Variants in KANSL3 observed in about 807,000 individuals in gnomAD.
The protein encoded by KANSL3 is NSL complex protein NSL3.
A neutral mutation model predicts 89.2 loss-of-function variants in KANSL3; 16 were observed. That is an observed-to-expected ratio of 0.18 (90% confidence interval 0.12 to 0.27). The LOEUF is 0.27. Ranked by LOEUF, KANSL3 falls within the 10% of genes least tolerant of loss-of-function variation. The pLI is 1.00. For synonymous variants in KANSL3, 385 were observed against 419.7 expected (o/e 0.92, Z 1.01); for missense variants, 879 against 1,110.6 (o/e 0.79, Z 2.96).
chr2:96,607,054 T>C (rs767208993), intron 14 of KANSL3: 2 of 1,286,346 alleles, frequency 1.6e-6, no homozygotes, highest in Non-Finnish European at 2.0e-6. Context: ...TGTGCTGGAA[T>C]GAATCAGAAA....
At position 96,608,937 on chromosome 2, in the gene KANSL3, A is replaced by G. The variant is rs756730945; in HGVS notation, c.1511T>C (p.Phe504Ser). 2 of 1,569,210 alleles carry G rather than the reference A, an allele frequency of 1.3e-6. No homozygotes were observed. The highest frequency in any genetic ancestry group is 8.6e-7 in the Non-Finnish European group (1 of 1,156,978). ...TCGACTGCCCCGCTCAGGGACTTCA[A>G]AGGCCAAGTCTCTGCGGGCCACATC... ...PRDVARRDLA[F>S]EVPERGSRPA... is the part of the protein sequence containing the mutation. Residue 504 changes from phenylalanine (F) to serine (S), a missense_variant, in exon 13 of 21, where the codon TTT becomes TCT. This residue lies in a region of KANSL3 where 317 missense variants were observed against 311.2 expected (regional missense o/e 1.02). Transcript: ENST00000431828.
In KANSL3 at chr2:96,619,330, G is replaced by A; in HGVS notation, c.663+29C>T. ...CACAGGGGAGGATGGCTATCCCTAG[G>A]ACAGGGCAGACCCCAATCACAGCCT... On this transcript the variant is annotated intron_variant, in intron 5 of 20. Coordinates refer to ENST00000431828, the MANE Select transcript of KANSL3 (RefSeq NM_001115016.3). 5 of 1,589,312 alleles carry A rather than the reference G, an allele frequency of 3.1e-6. No individual in the cohort carries two copies. The South Asian group carries it at 5.7e-5, about 18-fold the overall frequency.
At chr2:96,632,027 C>T (rs1455733684) in intron 2 of KANSL3, among the ~76,000 whole-genome samples, 1 of 152,064 alleles carries the variant, frequency 6.6e-6, no homozygotes, top group African/African-American at 2.4e-5. Flanking sequence ...GCCTGGGTGA[C>T]AGAGCAAGAC....
At chr2:96,593,003 G>GAAAAA, downstream of KANSL3, among the ~76,000 whole-genome samples, 1 of 140,810 alleles carries the variant, frequency 7.1e-6, no homozygotes, top group Middle Eastern at 3.6e-3. Flanking sequence ...ACTCCATCTC[G>GAAAAA]AAAAAAAAAA....
At chr2:96,638,234 C>A (rs2074547293) in intron 1 of KANSL3, 49 bp downstream of exon 1, 1 of 152,336 alleles carries the variant, frequency 6.6e-6, no homozygotes. Context: ...CAACCACGGC[C>A]GCGATCCCCA....
intron 20 of KANSL3, among the ~76,000 whole-genome samples, chr2:96,596,568 A>G (rs907870902): frequency 1.3e-5 from 2 of 152,238 alleles, no homozygotes; most frequent in Admixed American, 6.5e-5. Flanking sequence ...GCACTTTGGG[A>G]GGCTGAGGTG....
At chr2:96,637,372 A>G in intron 1 of KANSL3, 187 bp from the exon 2 acceptor site, 1 of 501,952 alleles carries the variant, frequency 2.0e-6, no homozygotes, top group Non-Finnish European at 3.5e-6. Context: ...AAAAAAAACT[A>G]TGGTGCCACG....
At chr2:96,624,590 C>T (rs1233233420) in intron 3 of KANSL3, among the ~76,000 whole-genome samples, 4 of 152,144 alleles carry the variant, frequency 2.6e-5, no homozygotes, top group Non-Finnish European at 5.9e-5. Context: ...GGCGTGATCT[C>T]GGCTCACTGT....
chr2:96,619,726 G>A lies in KANSL3; in HGVS notation c.423C>T (p.Asn141=). 6.4e-7 allele frequency: 1 copy of A among 1,561,024 alleles called. No individual in the cohort carries two copies. Among genetic ancestry groups the A allele is most frequent in the Non-Finnish European group, 8.7e-7 (1 of 1,152,194 alleles). Residue 141 remains asparagine (N), a synonymous_variant, in exon 4 of 21, where the codon AAC becomes AAT. Transcript: ENST00000431828. ...GWTMAQNKLF[N]KILKALQSDR... ...CAGACTGCAGGGCTTTGAGGATCTT[G>A]TTGAATAGCTTGTTCTGGGCCATTG...
Position 96,610,852 on chromosome 2 carries a change from G to A in KANSL3, c.1193C>T (p.Thr398Ile), listed in dbSNP as rs1326846073. Residue 398 changes from threonine (T) to isoleucine (I), a missense_variant, in exon 11 of 21, where the codon ACT becomes ATT. This residue lies in a region of KANSL3 where 198 missense variants were observed against 260.3 expected (regional missense o/e 0.76). Transcript: ENST00000431828. ...DVDDPLLDMK[T>I]PVLFVIGQNS... ...CTGACCAATGACAAAGAGGACTGGA[G>A]TCTTCATATCCAAGAGGGGATCATC... The A allele has an allele frequency of 6.2e-7, 1 of 1,613,970 alleles. No individual in the cohort carries two copies. The highest frequency in any genetic ancestry group is 2.2e-5 in the East Asian group (1 of 44,892).
chr2:96,611,909 G>GTGTGTGTGTGTGTA (rs2069062835), intron 9 of KANSL3, among the ~76,000 whole-genome samples: 2 of 147,748 alleles, frequency 1.4e-5, no homozygotes, highest in South Asian at 4.3e-4. Flanking sequence ...CCATATGTGT[G>GTGTGTGTGTGTGTA]TGTGTGTGTG....
In KANSL3 at chr2:96,608,459, G is replaced by C. The variant is rs772555765; in HGVS notation, c.1741+49C>G. The C allele has an allele frequency of 2.5e-6, 4 of 1,596,748 alleles. No homozygotes were observed. In the East Asian group the frequency reaches 8.9e-5, roughly 36 times the overall value. On this transcript the variant is annotated intron_variant, in intron 14 of 20. Transcript: ENST00000431828. ...ATACTGTGCAACTGCCATGTGACAT[G>C]AACTACAGAAGACAGACCCAAGAGG... is the stretch of plus-strand genomic sequence containing the variant.
the KANSL3 span, among the ~76,000 whole-genome samples, chr2:96,583,287 G>A: frequency 2.0e-5 from 3 of 152,144 alleles, no homozygotes; most frequent in Admixed American, 2.0e-4. Context: ...GAATGGTCTG[G>A]TAGGAGCTAC....
chr2:96,625,324 C>T (rs1461274280), intron 3 of KANSL3, among the ~76,000 whole-genome samples: 1 of 152,230 alleles, frequency 6.6e-6, no homozygotes, highest in East Asian at 1.9e-4. Context: ...AGCCTTACCT[C>T]TAGCAATCAT....
intron 2 of KANSL3, 144 bp from the exon 3 acceptor site, chr2:96,631,626 C>G: frequency 4.2e-6 from 4 of 952,722 alleles, no homozygotes; most frequent in Non-Finnish European, 6.5e-6. Context: ...AATTTTGATC[C>G]AAAGTCATCT....
chr2:96,628,208 C>G lies in KANSL3; in HGVS notation c.386+3104G>C. 3 of 1,258,462 alleles carry G rather than the reference C, an allele frequency of 2.4e-6. No homozygotes were observed. In the South Asian group the frequency reaches 4.0e-5, roughly 17 times the overall value. The allele number at this position is 1,258,462 out of a possible 1,614,324, so 78.0% of individuals were successfully genotyped here. ...CTAGAGGAAAGATGTGTACATCCAG[C>G]TATTCTGCTGTGCCTCCTGTGTAGA... On this transcript the variant is annotated intron_variant, in intron 3 of 20. Coordinates refer to ENST00000431828, the MANE Select transcript of KANSL3 (RefSeq NM_001115016.3).
chr2:96,588,367 A>C (rs745558683), downstream of KANSL3, among the ~76,000 whole-genome samples: 2 of 152,252 alleles, frequency 1.3e-5, no homozygotes, highest in Non-Finnish European at 2.9e-5. Context: ...TGGTCAACAC[A>C]GAATTTATCT....
At chr2:96,583,127 G>A in the KANSL3 span, among the ~76,000 whole-genome samples, 2 of 152,196 alleles carry the variant, frequency 1.3e-5, no homozygotes, top group Non-Finnish European at 2.9e-5. Context: ...ACTATGGTTT[G>A]CCCTCAGACT....
chr2:96,595,602 A>T lies in KANSL3; in HGVS notation c.*9T>A, dbSNP rs778649273. 8.1e-6 allele frequency: 13 copies of T among 1,613,742 alleles called. No homozygotes were observed. The highest frequency in any genetic ancestry group is 1.1e-5 in the Non-Finnish European group (13 of 1,179,766). ...CAACTTGGTAAGGAGGACATATCACACAGCATCTTCAGGGTGCTGGAGGCA... is the reference window on the plus strand; with the variant it reads ...CAACTTGGTAAGGAGGACATATCACTCAGCATCTTCAGGGTGCTGGAGGCA... On this transcript the variant is annotated 3_prime_UTR_variant, in exon 21 of 21. Transcript: ENST00000431828.
Sources: gnomAD v4.1 joint callset for allele counts (sites outside exome capture counted in the v4.1 genomes callset) on GRCh38, gnomAD v4.1.1 for gene constraint, gnomAD v4.1.1 regional missense constraint, MANE v1.5 for transcripts, NCBI Gene and HGNC (gene_info 2026-07-23, HGNC 2026-07-21) for gene names.